ADCY3: variants seen among roughly 807,000 people sequenced by gnomAD.
ADCY3 encodes adenylate cyclase type 3.
Under a neutral mutation model 119.4 loss-of-function variants are expected in ADCY3, and 70 were observed. That is an observed-to-expected ratio of 0.59 (90% CI 0.48 to 0.72). The LOEUF is 0.72. ADCY3 is among the 30% of genes least tolerant of loss of function. The pLI, the probability that ADCY3 is intolerant of heterozygous loss-of-function variation, is 0.00. For missense variants in ADCY3, 1,238 were observed against 1,541.6 expected (o/e 0.80, Z 3.30); for synonymous variants, 672 against 621.4 (o/e 1.08, Z -1.21).
chr2:24,883,436 T>A (rs1161850471), intron 2 of ADCY3, among the ~76,000 whole-genome samples: 1 of 152,156 alleles, frequency 6.6e-6, no homozygotes, highest in Non-Finnish European at 1.5e-5. Flanking sequence ...AAGGCCCCCA[T>A]GAGGAAGGAA....
chr2:24,888,517 C>T (rs966906214), intron 2 of ADCY3, among the ~76,000 whole-genome samples: 3 of 152,222 alleles, frequency 2.0e-5, no homozygotes, highest in Non-Finnish European at 4.4e-5. Context: ...TCAACAAGTC[C>T]TCCTCCAGCC....
chr2:24,915,284 C>T (rs988366506), intron 2 of ADCY3, among the ~76,000 whole-genome samples: 1 of 152,214 alleles, frequency 6.6e-6, no homozygotes, highest in Non-Finnish European at 1.5e-5. Flanking sequence ...AAGACAAGGG[C>T]AAGCACATGG....
chr2:24,895,144 G>C (rs959418458), intron 2 of ADCY3, among the ~76,000 whole-genome samples: 1 of 151,964 alleles, frequency 6.6e-6, no homozygotes, highest in Admixed American at 6.6e-5. Flanking sequence ...AGGCTGGAGT[G>C]CAGTGGTGCA....
rs1327060621 is a variant in ADCY3 at position 24,841,255 on chromosome 2, T to C, written c.1196+4A>G. 3 of 1,554,858 alleles carry C rather than the reference T, an allele frequency of 1.9e-6. No homozygotes were observed. The highest frequency in any genetic ancestry group is 2.6e-6 in the Non-Finnish European group (3 of 1,149,566). On this transcript the variant is annotated splice_donor_region_variant and intron_variant, in intron 6 of 21. Transcript: ENST00000679454. The surrounding 1 kb of genome is among the most constrained non-coding windows in gnomAD (Gnocchi z 5.8). Reference sequence around the variant, plus strand: ...AGCCTCCCTCCCAGAGGCATCCCACTTACGAGATGGCCTCCACCATGGCCA... The same window carrying C: ...AGCCTCCCTCCCAGAGGCATCCCACCTACGAGATGGCCTCCACCATGGCCA...
intron 2 of ADCY3, among the ~76,000 whole-genome samples, chr2:24,906,992 G>A (rs189004671): frequency 3.3e-5 from 5 of 152,238 alleles, no homozygotes; most frequent in Non-Finnish European, 5.9e-5. Context: ...TTAGCCAGGC[G>A]TGGTGGCACG....
intron 2 of ADCY3, among the ~76,000 whole-genome samples, chr2:24,913,807 T>A (rs1465016960): frequency 1.3e-5 from 2 of 152,242 alleles, no homozygotes; most frequent in Non-Finnish European, 2.9e-5. Flanking sequence ...AGCTTCCTCA[T>A]GTTTTACTTG....
intron 7 of ADCY3, chr2:24,838,871 G>A: frequency 1.9e-6 from 3 of 1,599,526 alleles, no homozygotes; most frequent in Non-Finnish European, 2.6e-6. Context: ...CAGTGTTGGA[G>A]CCACGACACA....
intron 3 of ADCY3, among the ~76,000 whole-genome samples, chr2:24,867,194 G>A (rs866058418): frequency 1.3e-5 from 2 of 152,174 alleles, no homozygotes; most frequent in Non-Finnish European, 2.9e-5. Context: ...TTAATGTAAC[G>A]GGAGCAACAG....
At chr2:24,849,599 T>A (rs980025641) in intron 3 of ADCY3, among the ~76,000 whole-genome samples, 1 of 152,200 alleles carries the variant, frequency 6.6e-6, no homozygotes, top group Non-Finnish European at 1.5e-5. Context: ...AGGCTGCCAA[T>A]TCCCTGTGTG....
Position 24,820,884 on chromosome 2 carries a change from G to T in ADCY3, c.3128-36C>A, listed in dbSNP as rs749768570. The T allele has an allele frequency of 1.1e-5, 18 of 1,608,708 alleles. No individual in the cohort carries two copies. In the Admixed American group the frequency reaches 2.7e-4, roughly 24 times the overall value. On this transcript the variant is annotated intron_variant, in intron 20 of 21. Transcript: ENST00000679454. Reference sequence around the variant, plus strand: ...GGCATAAAGTTCAGCACAGCCACAGGCCACACCTTGTTATGGGCCTCAGAA... The same window carrying T: ...GGCATAAAGTTCAGCACAGCCACAGTCCACACCTTGTTATGGGCCTCAGAA...
Position 24,833,560 on chromosome 2 carries a change from G to A in ADCY3, c.1967+925C>T, listed in dbSNP as rs373883696. Among the ~76,000 whole-genome samples, 11 of 152,270 alleles carry A rather than the reference G, an allele frequency of 7.2e-5. No individual in the cohort carries two copies. The East Asian group carries it at 1.3e-3, about 19-fold the overall frequency. On this transcript the variant is annotated intron_variant, in intron 11 of 21. Coordinates refer to ENST00000679454, the MANE Select transcript of ADCY3 (RefSeq NM_004036.5). ...CCCTGTGTCTGCAGTACTTACTCTC[G>A]CATGGATGCATATTTTAATTGTTTA...
chr2:24,880,050 G>A (rs934685985), intron 2 of ADCY3, among the ~76,000 whole-genome samples: 1 of 152,224 alleles, frequency 6.6e-6, no homozygotes, highest in African/African-American at 2.4e-5. Flanking sequence ...AGCCTGGGGT[G>A]CTGCTGCCAT....
In ADCY3 at chr2:24,902,032, CTCTGTG is replaced by C. The variant is rs1292010992; in HGVS notation, c.675+16275_675+16280del. Among the ~76,000 whole-genome samples the C allele has an allele frequency of 1.1e-3, 138 of 122,864 alleles. 1 individual carries two copies. The highest frequency in any genetic ancestry group is 4.6e-3 in the African/African-American group (134 of 28,870). The allele number at this position is 122,864 out of a possible 152,430, so 80.6% of individuals were successfully genotyped here. ...TTTTAGTAGATGGCACACATTTTAA[CTCTGTG>C]TGTGTGTGTGTGTGTGTGTGTGTGT... On this transcript the variant is annotated intron_variant, in intron 2 of 21. Coordinates refer to ENST00000679454, the MANE Select transcript of ADCY3 (RefSeq NM_004036.5).
intron 2 of ADCY3, among the ~76,000 whole-genome samples, chr2:24,893,593 A>G (rs571562512): frequency 3.9e-4 from 55 of 139,370 alleles, no homozygotes; most frequent in Non-Finnish European, 6.8e-4. Context: ...TCCACTGCAC[A>G]ATACCTGTCT....
At chr2:24,820,685 C>T (rs760683528) in intron 21 of ADCY3, 39 bp downstream of exon 21, 5 of 1,611,932 alleles carry the variant, frequency 3.1e-6, no homozygotes, top group Non-Finnish European at 3.4e-6. Flanking sequence ...TGTTCTCATG[C>T]CGAGTCTGAG....
chr2:24,831,661 C>G lies in ADCY3; in HGVS notation c.2055+1G>C. On this transcript the variant is annotated splice_donor_variant, in intron 12 of 21. Coordinates refer to ENST00000679454, the MANE Select transcript of ADCY3 (RefSeq NM_004036.5). LOFTEE classifies it high-confidence loss of function. ...GAGCTCAGTAGAAAAGTGCCTCTTACCCGGGGAAAGATGGCAGCCAGGGAG... is the reference window on the plus strand; with the variant it reads ...GAGCTCAGTAGAAAAGTGCCTCTTAGCCGGGGAAAGATGGCAGCCAGGGAG... The G allele has an allele frequency of 1.2e-6, 2 of 1,613,410 alleles. No individual in the cohort carries two copies. The highest frequency in any genetic ancestry group is 1.7e-6 in the Non-Finnish European group (2 of 1,179,500).
chr2:24,822,920 T>C (rs1011318874), intron 18 of ADCY3, among the ~76,000 whole-genome samples: 1 of 152,192 alleles, frequency 6.6e-6, no homozygotes, highest in Non-Finnish European at 1.5e-5. Flanking sequence ...CAGTCAATGC[T>C]GACCGGCTCT....
intron 2 of ADCY3, among the ~76,000 whole-genome samples, chr2:24,910,803 C>T (rs1196122486): frequency 6.6e-6 from 1 of 151,854 alleles, no homozygotes; most frequent in Non-Finnish European, 1.5e-5. Context: ...TGCATCACCA[C>T]GCCCGGCTGA....
intron 3 of ADCY3, among the ~76,000 whole-genome samples, chr2:24,865,103 G>A (rs551296612): frequency 3.3e-5 from 5 of 152,272 alleles, no homozygotes; most frequent in African/African-American, 1.2e-4. Context: ...TATAATGACT[G>A]AACACAGTCA....
Sources: gnomAD v4.1 joint callset for allele counts (sites outside exome capture counted in the v4.1 genomes callset) on GRCh38, gnomAD v4.1.1 for gene constraint, Gnocchi (gnomAD v3.1) non-coding constraint, MANE v1.5 for transcripts, NCBI Gene and HGNC (gene_info 2026-07-23, HGNC 2026-07-21) for gene names.